PRPF40B: variants seen among roughly 807,000 people sequenced by gnomAD.
PRPF40B encodes pre-mRNA processing factor 40B, also known as pre-mRNA-processing factor 40 homolog B.
In PRPF40B, 56 loss-of-function variants were observed where a neutral mutation model predicts 124.5. That is an observed-to-expected ratio of 0.45 (90% CI 0.36 to 0.56). The LOEUF (loss-of-function observed/expected upper bound fraction) is 0.56. Among genes scored for constraint, PRPF40B ranks in the 20% least tolerant of loss-of-function variants. The probability of loss-of-function intolerance (pLI) is 0.00; values close to 1 mark genes in which losing one functional copy is unlikely to be tolerated. For synonymous variants in PRPF40B, 443 were observed against 426.4 expected, an observed-to-expected ratio of 1.04 and a Z score of -0.48; for missense variants, 1,053 against 1,169.5, an observed-to-expected ratio of 0.90 and a Z score of 1.45.
In PRPF40B at chr12:49,634,449, G is replaced by A. The variant is rs1281816877; in HGVS notation, c.930G>A (p.Arg310=). ...AGCAGGCATTCAAGGAACTGCTGAG[G>A]GACAAGGTGCTGGAGTGGGGCTCCC... ...KAKQAFKELL[R]DKAVPSNASW... is the part of the protein sequence containing the mutation. Residue 310 remains arginine (R), a synonymous_variant, in exon 11 of 26, where the codon AGG becomes AGA. Coordinates refer to ENST00000548825, the MANE Select transcript of PRPF40B (RefSeq NM_001031698.3). 1.9e-6 allele frequency: 3 copies of A among 1,614,038 alleles called. No individual in the cohort carries two copies. The highest frequency in any genetic ancestry group is 2.5e-6 in the Non-Finnish European group (3 of 1,179,982).
In PRPF40B at chr12:49,642,928, A is replaced by G; in HGVS notation, c.2119-2A>G. 6.2e-7 allele frequency: 1 copy of G among 1,612,870 alleles called. No homozygotes were observed. Among genetic ancestry groups the G allele is most frequent in the Non-Finnish European group, 8.5e-7 (1 of 1,179,342 alleles). Reference sequence around the variant, plus strand: ...TCACCCTTCTTCCTCTGCCTCTAGCAGACTGAATGCCAGCACCTCCACACC... The same window carrying G: ...TCACCCTTCTTCCTCTGCCTCTAGCGGACTGAATGCCAGCACCTCCACACC... On this transcript the variant is annotated splice_acceptor_variant, in intron 21 of 25. Coordinates refer to ENST00000548825, the MANE Select transcript of PRPF40B (RefSeq NM_001031698.3). LOFTEE classifies it high-confidence loss of function. The surrounding 1 kb of genome is among the most constrained non-coding windows in gnomAD (Gnocchi z 5.8).
intron 9 of PRPF40B, 86 bp from the exon 10 acceptor site, chr12:49,633,800 C>G (rs1941476923): frequency 6.2e-7 from 1 of 1,606,242 alleles, no homozygotes; most frequent in South Asian, 1.1e-5. Context: ...GGCCCCAGTC[C>G]TTCCCAGGAT....
chr12:49,631,290 C>A lies in PRPF40B; in HGVS notation c.85-111C>A. The A allele has an allele frequency of 1.3e-6, 1 of 743,290 alleles. No individual in the cohort carries two copies. The highest frequency in any genetic ancestry group is 2.5e-5 in the South Asian group (1 of 39,944). The allele number at this position is 743,290 out of a possible 1,614,324, so 46.0% of individuals were successfully genotyped here. A position where few individuals can be genotyped will look rare whatever the true frequency, so the allele number is the denominator to read the frequency against. On this transcript the variant is annotated intron_variant, in intron 2 of 25. Coordinates refer to ENST00000548825, the MANE Select transcript of PRPF40B (RefSeq NM_001031698.3). The surrounding 1 kb of genome is among the most constrained non-coding windows in gnomAD (Gnocchi z 4.3). Reference sequence around the variant, plus strand: ...CTAAAGCCTTGGAATTGCCTCAGAGCAGGGTGGAGGGTTGGGGAGGGAGGT... The same window carrying A: ...CTAAAGCCTTGGAATTGCCTCAGAGAAGGGTGGAGGGTTGGGGAGGGAGGT...
At position 49,635,139 on chromosome 12, in the gene PRPF40B, G is replaced by A. The variant is rs1448397420; in HGVS notation, c.1042G>A (p.Ala348Thr). 1.2e-6 allele frequency: 2 copies of A among 1,613,814 alleles called. No individual in the cohort carries two copies. Among genetic ancestry groups the A allele is most frequent in the Non-Finnish European group, 1.7e-6 (2 of 1,180,018 alleles). The change falls in exon 13 of 26, where the codon GCC becomes ACC. Residue 348 changes from alanine (A) to threonine (T), a missense_variant. This residue lies in a region of PRPF40B where 895 missense variants were observed against 1,052.2 expected (regional missense o/e 0.85). Transcript: ENST00000548825. This position sits in a 1 kb window ranked among gnomAD's most constrained non-coding sequence, Gnocchi z 4.1. ...GAGTGAGAAAAAGCAGGCATTCAAT[G>A]CCTACAAGGCGCAGCGGGAGAAGGA... ...KLSEKKQAFN[A>T]YKAQREKEEK...
chr12:49,643,771 A>G lies in PRPF40B; in HGVS notation c.2442+19A>G, dbSNP rs1393402421. On this transcript the variant is annotated intron_variant, in intron 24 of 25. Transcript: ENST00000548825. ...CAAGTCGGTGAGTGAAGGAACTTCT[A>G]CCTAAGCCCCTGCTATTTTGTGAGT... 1.2e-6 allele frequency: 2 copies of G among 1,613,762 alleles called. No homozygotes were observed. The highest frequency in any genetic ancestry group is 2.7e-5 in the African/African-American group (2 of 74,926).
Position 49,635,626 on chromosome 12 carries a change from T to C in PRPF40B, c.1275+153T>C, listed in dbSNP as rs1941705371. Reference sequence around the variant, plus strand: ...GTATGGGACTTGCACATCTCATTTCTGCTCTGGGCCTATAGTCCTGGGTGT... The same window carrying C: ...GTATGGGACTTGCACATCTCATTTCCGCTCTGGGCCTATAGTCCTGGGTGT... On this transcript the variant is annotated intron_variant, in intron 14 of 25. Coordinates refer to ENST00000548825, the MANE Select transcript of PRPF40B (RefSeq NM_001031698.3). This position sits in a 1 kb window ranked among gnomAD's most constrained non-coding sequence, Gnocchi z 4.1. Among the ~76,000 whole-genome samples, 1 of 152,154 alleles carries C rather than the reference T, an allele frequency of 6.6e-6. No homozygotes were observed. Among genetic ancestry groups the C allele is most frequent in the African/African-American group, 2.4e-5 (1 of 41,422 alleles).
In PRPF40B at chr12:49,642,932, T is replaced by A. The variant is rs1178811943; in HGVS notation, c.2121T>A (p.Thr707=). The A allele has an allele frequency of 2.5e-6, 4 of 1,612,942 alleles. No homozygotes were observed. Among genetic ancestry groups the A allele is most frequent in the Non-Finnish European group, 3.4e-6 (4 of 1,179,456 alleles). ...LFREFLQVLE[T]ECQHLHTKGR... is the part of the protein sequence containing the mutation. ...CCTTCTTCCTCTGCCTCTAGCAGACTGAATGCCAGCACCTCCACACCAAAG... is the reference window on the plus strand; with the variant it reads ...CCTTCTTCCTCTGCCTCTAGCAGACAGAATGCCAGCACCTCCACACCAAAG... The change falls in exon 22 of 26, where the codon ACT becomes ACA. Residue 707 remains threonine (T), a splice_region_variant and synonymous_variant. Coordinates refer to ENST00000548825, the MANE Select transcript of PRPF40B (RefSeq NM_001031698.3). This position sits in a 1 kb window ranked among gnomAD's most constrained non-coding sequence, Gnocchi z 5.8.
In PRPF40B at chr12:49,633,831, G is replaced by A. The variant is rs191689732; in HGVS notation, c.606-55G>A. 3,475 of 1,609,916 alleles carry A rather than the reference G, an allele frequency of 2.2e-3. 8 individuals carry two copies. The highest frequency in any genetic ancestry group is 2.3e-3 in the Non-Finnish European group (2,768 of 1,178,292). On this transcript the variant is annotated intron_variant, in intron 9 of 25. Transcript: ENST00000548825. ...AGGATAGAGAAACCAGCCAGCCCCT[G>A]AAGTCCTCCATTCTTGCTCTCCTCC...
At chr12:49,640,653 C>T (rs1942507191) in intron 18 of PRPF40B, 1 of 152,214 alleles carries the variant, frequency 6.6e-6, no homozygotes, top group Admixed American at 6.5e-5. Flanking sequence ...CCTGTTTGCT[C>T]ACCTGTAAAT....
chr12:49,634,679 A>C, intron 12 of PRPF40B, 77 bp downstream of exon 12: 7 of 1,568,886 alleles, frequency 4.5e-6, no homozygotes, highest in Non-Finnish European at 6.1e-6. Flanking sequence ...ACCCCAGCTC[A>C]ACACTCAGCC....
At chr12:49,624,397 C>T (rs1221276594) in intron 1 of PRPF40B, among the ~76,000 whole-genome samples, 2 of 151,984 alleles carry the variant, frequency 1.3e-5, no homozygotes, top group Admixed American at 6.6e-5. Context: ...GGATGGTAGA[C>T]AGAAAGCCTG....
chr12:49,629,317 T>C (rs1941017418), intron 1 of PRPF40B, among the ~76,000 whole-genome samples: 1 of 152,272 alleles, frequency 6.6e-6, no homozygotes, highest in Admixed American at 6.5e-5. Flanking sequence ...TTCTTGTTTA[T>C]AACTGTATAG....
intron 4 of PRPF40B, chr12:49,632,283 T>G: frequency 3.5e-6 from 2 of 576,332 alleles, no homozygotes; most frequent in Non-Finnish European, 3.1e-6. Flanking sequence ...TGCCTTCTTA[T>G]GCTATCGCTC....
chr12:49,635,824 T>C lies in PRPF40B; in HGVS notation c.1276-19T>C, dbSNP rs1275249550. On this transcript the variant is annotated intron_variant, in intron 14 of 25. Transcript: ENST00000548825. This position sits in a 1 kb window ranked among gnomAD's most constrained non-coding sequence, Gnocchi z 4.1. Reference sequence around the variant, plus strand: ...AGCTCTGGCCTGCCCTGCCTCACCCTGATCCTGTGGCTCCCTAGGAACAGG... The same window carrying C: ...AGCTCTGGCCTGCCCTGCCTCACCCCGATCCTGTGGCTCCCTAGGAACAGG... The C allele has an allele frequency of 6.2e-7, 1 of 1,613,052 alleles. No individual in the cohort carries two copies. Among genetic ancestry groups the C allele is most frequent in the Non-Finnish European group, 8.5e-7 (1 of 1,179,664 alleles).
chr12:49,633,390 C>G (rs1237616286), intron 7 of PRPF40B, 37 bp from the exon 8 acceptor site: 1 of 1,613,292 alleles, frequency 6.2e-7, no homozygotes, highest in South Asian at 1.1e-5. Flanking sequence ...GAGAACTTGC[C>G]CATCCCACTG....
At chr12:49,637,869 GCACACT>G (rs1942063141) in intron 18 of PRPF40B, 45 bp downstream of exon 18, 2 of 1,486,320 alleles carry the variant, frequency 1.3e-6, no homozygotes, top group Non-Finnish European at 1.9e-6. Flanking sequence ...TGGATGCAGG[GCACACT>G]CCCTGCAGAG....
chr12:49,627,049 A>T (rs1940783368), intron 1 of PRPF40B, among the ~76,000 whole-genome samples: 1 of 152,226 alleles, frequency 6.6e-6, no homozygotes, highest in South Asian at 2.1e-4. Flanking sequence ...TCATTCAGTT[A>T]ACACATACTT....
intron 1 of PRPF40B, chr12:49,623,945 G>A: frequency 6.3e-6 from 7 of 1,115,286 alleles, no homozygotes; most frequent in Non-Finnish European, 7.7e-6. Flanking sequence ...GGGACAGGTG[G>A]GGACCAGTTT....
At chr12:49,623,288 C>A (rs573010644), upstream of PRPF40B, 598 of 167,392 alleles carry the variant, frequency 3.6e-3, 2 homozygotes, top group Non-Finnish European at 4.8e-3. Context: ...CGGGGAGAGG[C>A]AGAGGCGCCG....
Sources: gnomAD v4.1 joint callset for allele counts (sites outside exome capture counted in the v4.1 genomes callset) on GRCh38, gnomAD v4.1.1 for gene constraint, gnomAD v4.1.1 regional missense constraint, Gnocchi (gnomAD v3.1) non-coding constraint, MANE v1.5 for transcripts, NCBI Gene and HGNC (gene_info 2026-07-23, HGNC 2026-07-21) for gene names.